Variants in TMEM131L observed in about 807,000 individuals in gnomAD.
TMEM131L encodes transmembrane protein 131-like.
In TMEM131L, 54 loss-of-function variants were observed where a neutral mutation model predicts 192.2. That is an observed-to-expected ratio of 0.28 (90% CI 0.23 to 0.35). The LOEUF is 0.35. Ranked by LOEUF, TMEM131L falls within the 10% of genes least tolerant of loss-of-function variation. The pLI is 1.00. For synonymous variants in TMEM131L, 701 were observed against 704.9 expected, an observed-to-expected ratio of 0.99 and a Z score of 0.09; for missense variants, 1,888 against 1,972.9, an observed-to-expected ratio of 0.96 and a Z score of 0.82.
At chr4:153,501,943 GTTTTTTTTTTTTTT>G (rs575832226) in intron 3 of TMEM131L, among the ~76,000 whole-genome samples, 1 of 117,394 alleles carries the variant, frequency 8.5e-6, no homozygotes, top group East Asian at 2.5e-4. Context: ...CCCCCAAAGG[GTTTTTTTTTTTTTT>G]TTTTTTTTTA....
At chr4:153,469,626 G>A (rs1251614279) in intron 2 of TMEM131L, among the ~76,000 whole-genome samples, 1 of 152,102 alleles carries the variant, frequency 6.6e-6, no homozygotes, top group African/African-American at 2.4e-5. Flanking sequence ...TTTAGAGGAT[G>A]TGGCATTAAA....
At chr4:153,536,372 A>G (rs144665844) in intron 3 of TMEM131L, among the ~76,000 whole-genome samples, 50 of 152,334 alleles carry the variant, frequency 3.3e-4, no homozygotes, top group African/African-American at 1.2e-3. Context: ...TTCATGTATG[A>G]TTTGCATATG....
chr4:153,583,848 A>C (rs1435166780), intron 11 of TMEM131L, among the ~76,000 whole-genome samples, 176 bp downstream of exon 11: 2 of 152,224 alleles, frequency 1.3e-5, no homozygotes, highest in African/African-American at 4.8e-5. Context: ...ACTATTGTTG[A>C]TGCCACTTTT....
chr4:153,567,623 C>A (rs1357200613), intron 7 of TMEM131L, among the ~76,000 whole-genome samples: 1 of 151,656 alleles, frequency 6.6e-6, no homozygotes, highest in African/African-American at 2.4e-5. Context: ...CGGCTCACTG[C>A]AACCTCCGCC....
intron 20 of TMEM131L, among the ~76,000 whole-genome samples, chr4:153,598,357 C>G (rs1731595094): frequency 6.6e-6 from 1 of 151,962 alleles, no homozygotes. Flanking sequence ...TTTACATGTT[C>G]TTGCTGCAGT....
chr4:153,597,240 TTTTG>T (rs923891362), intron 20 of TMEM131L, among the ~76,000 whole-genome samples: 5 of 151,512 alleles, frequency 3.3e-5, no homozygotes, highest in Non-Finnish European at 5.9e-5. Context: ...GTGTTTCTTT[TTTTG>T]TTTATTAATT....
At chr4:153,567,439 GT>G (rs1729296546) in intron 7 of TMEM131L, among the ~76,000 whole-genome samples, 1 of 151,992 alleles carries the variant, frequency 6.6e-6, no homozygotes, top group South Asian at 2.1e-4. Context: ...AACACCTGGA[GT>G]TTTTTGTCCT....
chr4:153,581,414 A>T lies in TMEM131L; in HGVS notation c.746A>T (p.Tyr249Phe). 6.4e-7 allele frequency: 1 copy of T among 1,553,730 alleles called. No homozygotes were observed. Among genetic ancestry groups the T allele is most frequent in the Non-Finnish European group, 8.7e-7 (1 of 1,147,856 alleles). The change falls in exon 9 of 35, where the codon TAT (tyrosine) becomes TTT (phenylalanine). Residue 249 changes from tyrosine to phenylalanine, a missense_variant. Tyr to Phe is a conservative substitution (Grantham distance 22, BLOSUM62 3). Coordinates refer to ENST00000409959, the MANE Select transcript of TMEM131L (RefSeq NM_001131007.2). ...NKVCQQLKGC[Y>F]LESDDVLRLQ... is the part of the protein sequence containing the mutation. ...TCCTCCTTCCAACCATAGGGTTGTT[A>T]TCTGGAATCTGATGATGTTTTGCGT...
intron 3 of TMEM131L, among the ~76,000 whole-genome samples, chr4:153,513,795 C>CA (rs1466630213): frequency 9.2e-5 from 14 of 152,068 alleles, no homozygotes; most frequent in Admixed American, 8.5e-4. Context: ...GATGTTTTAG[C>CA]AAAAATCACC....
chr4:153,505,279 GTA>G lies in TMEM131L; in HGVS notation c.239+31393_239+31394del, dbSNP rs1561139781. Among the ~76,000 whole-genome samples, 5 of 151,838 alleles carry G rather than the reference GTA, an allele frequency of 3.3e-5. No individual in the cohort carries two copies. In the South Asian group the frequency reaches 8.3e-4, roughly 25 times the overall value. ...GCACCACCACACCCCGGTAATTTTTGTATTTTTTAATGGAGATGGGGTTTCAC... is the reference window on the plus strand; with the variant it reads ...GCACCACCACACCCCGGTAATTTTTGTTTTTTAATGGAGATGGGGTTTCAC... On this transcript the variant is annotated intron_variant, in intron 3 of 34. Coordinates refer to ENST00000409959, the MANE Select transcript of TMEM131L (RefSeq NM_001131007.2).
At chr4:153,616,629 T>C (rs1732994677) in intron 26 of TMEM131L, among the ~76,000 whole-genome samples, 1 of 152,238 alleles carries the variant, frequency 6.6e-6, no homozygotes, top group African/African-American at 2.4e-5. Flanking sequence ...TCATGATTAT[T>C]ATAGAAGCAT....
chr4:153,631,246 G>A (rs746946530), intron 31 of TMEM131L, among the ~76,000 whole-genome samples: 15 of 152,206 alleles, frequency 9.9e-5, no homozygotes, highest in Non-Finnish European at 2.1e-4. Flanking sequence ...GGAGCCCTTG[G>A]GAATTGAGGG....
chr4:153,549,986 A>G (rs1007719508), intron 3 of TMEM131L, 87 bp from the exon 4 acceptor site: 3 of 566,808 alleles, frequency 5.3e-6, no homozygotes, highest in Non-Finnish European at 9.3e-6. Flanking sequence ...TATGTCATGC[A>G]TTGAGAGTCA....
At chr4:153,572,631 C>A (rs1159274029) in intron 7 of TMEM131L, among the ~76,000 whole-genome samples, 1 of 152,172 alleles carries the variant, frequency 6.6e-6, no homozygotes, top group East Asian at 1.9e-4. Context: ...GCACCCGGCC[C>A]AGTTTGGTTA....
chr4:153,612,953 T>C (rs1273367854), intron 26 of TMEM131L, among the ~76,000 whole-genome samples: 1 of 152,138 alleles, frequency 6.6e-6, no homozygotes. Flanking sequence ...ACTTCAAATA[T>C]AAAGAGTTGT....
intron 7 of TMEM131L, among the ~76,000 whole-genome samples, chr4:153,574,840 G>A (rs1026510479): frequency 7.2e-5 from 11 of 152,084 alleles, no homozygotes; most frequent in African/African-American, 1.4e-4. Flanking sequence ...CGCCCTCCTT[G>A]GCCTCCCAAA....
intron 3 of TMEM131L, among the ~76,000 whole-genome samples, chr4:153,529,701 C>G (rs1255788137): frequency 6.6e-6 from 1 of 152,222 alleles, no homozygotes; most frequent in Non-Finnish European, 1.5e-5. Flanking sequence ...GTGGTATACT[C>G]TCTGGTCTGA....
chr4:153,518,557 C>A (rs951129830), intron 3 of TMEM131L, among the ~76,000 whole-genome samples: 3 of 152,106 alleles, frequency 2.0e-5, no homozygotes, highest in Non-Finnish European at 4.4e-5. Flanking sequence ...ATGTACGTAA[C>A]AAGTGTGATG....
At chr4:153,598,820 C>A in intron 21 of TMEM131L, 88 bp downstream of exon 21, 2 of 1,112,322 alleles carry the variant, frequency 1.8e-6, no homozygotes, top group East Asian at 3.1e-5. Flanking sequence ...ATTTTAAATT[C>A]TAAAATTTTA....
Sources: allele counts gnomAD v4.1 joint callset (sites outside exome capture counted in the v4.1 genomes callset), GRCh38; gene constraint gnomAD v4.1.1; transcripts MANE v1.5; gene names NCBI Gene and HGNC (gene_info 2026-07-23, HGNC 2026-07-21).